Variants in SRFBP1 observed in about 807,000 individuals in gnomAD.
The protein encoded by SRFBP1 is serum response factor binding protein 1, also known as serum response factor-binding protein 1.
Under a neutral mutation model 45.5 loss-of-function variants are expected in SRFBP1, and 47 were observed. That is an observed-to-expected ratio of 1.03 (90% CI 0.82 to 1.32). The LOEUF is 1.32. Among genes scored for constraint, SRFBP1 ranks in the 40% most tolerant of loss-of-function variants. SRFBP1 has a pLI of 0.00. For missense variants in SRFBP1, 621 were observed against 484.6 expected, an observed-to-expected ratio of 1.28 and a Z score of -2.64; for synonymous variants, 203 against 166.3, an observed-to-expected ratio of 1.22 and a Z score of -1.70.
intron 3 of SRFBP1, among the ~76,000 whole-genome samples, chr5:121,984,701 G>C (rs1336708972): frequency 6.6e-6 from 1 of 151,552 alleles, no homozygotes; most frequent in Non-Finnish European, 1.5e-5. Flanking sequence ...CATATAAATG[G>C]CATGAATGAA....
At chr5:122,019,053 G>A (rs767470516) in intron 4 of SRFBP1, among the ~76,000 whole-genome samples, 1 of 152,054 alleles carries the variant, frequency 6.6e-6, no homozygotes, top group Non-Finnish European at 1.5e-5. Flanking sequence ...GATAATTTTA[G>A]TTGTTCAAAG....
intron 1 of SRFBP1, among the ~76,000 whole-genome samples, chr5:121,972,439 A>G (rs1752219643): frequency 2.0e-5 from 3 of 151,870 alleles, no homozygotes; most frequent in Non-Finnish European, 2.9e-5. Flanking sequence ...AGTGAACTGA[A>G]CAGAAAAATA....
Position 121,974,227 on chromosome 5 carries a change from T to G in SRFBP1, c.68T>G (p.Ile23Ser). 6.2e-7 allele frequency: 1 copy of G among 1,611,574 alleles called. No individual in the cohort carries two copies. The highest frequency in any genetic ancestry group is 8.5e-7 in the Non-Finnish European group (1 of 1,178,210). ...AAGATGAGAAAAGAAGTGAAGAGAATTCGAGTTTTAGTTATCCGAAAACTT... is the reference window on the plus strand; with the variant it reads ...AAGATGAGAAAAGAAGTGAAGAGAAGTCGAGTTTTAGTTATCCGAAAACTT... ...VVKMRKEVKR[I>S]RVLVIRKLVR... The change falls in exon 2 of 8, where the codon ATT becomes AGT. Residue 23 changes from isoleucine to serine, a missense_variant. Ile to Ser is a moderately radical substitution (Grantham distance 142). Coordinates refer to ENST00000339397, the MANE Select transcript of SRFBP1 (RefSeq NM_152546.3).
chr5:122,030,728 G>A (rs1173946646), downstream of SRFBP1, among the ~76,000 whole-genome samples: 1 of 151,958 alleles, frequency 6.6e-6, no homozygotes, highest in Non-Finnish European at 1.5e-5. Context: ...TCTGAAGTCT[G>A]GGCTTCCTCA....
At chr5:122,047,434 G>A (rs1753883910) in intron 2 of SRFBP1, among the ~76,000 whole-genome samples, 5 of 152,184 alleles carry the variant, frequency 3.3e-5, no homozygotes, top group Admixed American at 2.6e-4. Flanking sequence ...GTACCATGCT[G>A]TTTTGGTTGC....
rs1580508586 is a variant in SRFBP1 at position 121,987,393 on chromosome 5, G to A, written c.199-7206G>A. 1.3e-5 allele frequency among the ~76,000 whole-genome samples: 2 copies of A among 152,238 alleles called. 1 individual carries two copies. Among genetic ancestry groups the A allele is most frequent in the East Asian group, 3.9e-4 (2 of 5,174 alleles). On this transcript the variant is annotated intron_variant, in intron 3 of 7. Transcript: ENST00000339397. ...TGGAAAAAAAATCTATTGGCAATAT[G>A]ATGATAGAGTATAACTTTATTGAAG...
intron 4 of SRFBP1, among the ~76,000 whole-genome samples, chr5:121,999,368 A>G (rs1256385021): frequency 2.6e-5 from 4 of 151,962 alleles, no homozygotes; most frequent in Admixed American, 2.6e-4. Flanking sequence ...ATGTTGTACT[A>G]TTTGTTATAG....
chr5:122,055,375 C>T (rs144769189), intron 2 of SRFBP1, among the ~76,000 whole-genome samples: 76 of 152,290 alleles, frequency 5.0e-4, no homozygotes, highest in African/African-American at 1.6e-3. Flanking sequence ...GAGAGAAACA[C>T]ATTCAAACCA....
intron 4 of SRFBP1, among the ~76,000 whole-genome samples, chr5:122,004,016 C>A (rs1752931786): frequency 6.6e-6 from 1 of 152,094 alleles, no homozygotes; most frequent in Admixed American, 6.5e-5. Flanking sequence ...CTCACTGCCA[C>A]CTCTACCTCC....
At chr5:122,001,193 A>T (rs1752858818) in intron 4 of SRFBP1, among the ~76,000 whole-genome samples, 1 of 151,828 alleles carries the variant, frequency 6.6e-6, no homozygotes, top group Non-Finnish European at 1.5e-5. Context: ...TATGATAATT[A>T]TATAAAAGTT....
At chr5:122,005,048 C>G (rs1752948404) in intron 4 of SRFBP1, among the ~76,000 whole-genome samples, 1 of 152,000 alleles carries the variant, frequency 6.6e-6, no homozygotes, top group Non-Finnish European at 1.5e-5. Flanking sequence ...ATGTGTTAGG[C>G]CTAATTTTGT....
At chr5:122,019,753 T>C (rs1389750363) in intron 5 of SRFBP1, among the ~76,000 whole-genome samples, 1 of 151,860 alleles carries the variant, frequency 6.6e-6, no homozygotes, top group African/African-American at 2.4e-5. Context: ...AAGCACAGTT[T>C]ATAATAATGC....
chr5:122,046,006 CTTA>C (rs1389318416), intron 2 of SRFBP1, among the ~76,000 whole-genome samples: 1 of 151,862 alleles, frequency 6.6e-6, no homozygotes, highest in Non-Finnish European at 1.5e-5. Flanking sequence ...ATAGATGGCT[CTTA>C]TTATTTAAAA....
At chr5:122,030,737 CA>C (rs1454423268), downstream of SRFBP1, among the ~76,000 whole-genome samples, 1 of 152,014 alleles carries the variant, frequency 6.6e-6, no homozygotes, top group Non-Finnish European at 1.5e-5. Context: ...TGGGCTTCCT[CA>C]GGGAATTTCT....
intron 4 of SRFBP1, among the ~76,000 whole-genome samples, chr5:121,998,193 C>G (rs1232805632): frequency 6.6e-6 from 1 of 151,802 alleles, no homozygotes; most frequent in African/African-American, 2.4e-5. Context: ...ATAAATCATG[C>G]TGCTATAAAG....
chr5:121,989,146 C>A (rs1752575503), intron 3 of SRFBP1, among the ~76,000 whole-genome samples: 1 of 152,070 alleles, frequency 6.6e-6, no homozygotes, highest in Non-Finnish European at 1.5e-5. Flanking sequence ...TCACTGCAAC[C>A]TCCACCTCCC....
At chr5:122,009,395 TATG>T (rs1294711650) in intron 4 of SRFBP1, among the ~76,000 whole-genome samples, 1 of 152,186 alleles carries the variant, frequency 6.6e-6, no homozygotes, top group Non-Finnish European at 1.5e-5. Context: ...TCTCTTCCAT[TATG>T]ATAATATTTT....
At chr5:121,974,518 T>A (rs1406026347) in intron 2 of SRFBP1, among the ~76,000 whole-genome samples, 3 of 151,886 alleles carry the variant, frequency 2.0e-5, no homozygotes, top group Admixed American at 6.6e-5. Flanking sequence ...TTGCTGCTTT[T>A]GCAAAACTCT....
intron 2 of SRFBP1, chr5:122,074,248 T>A (rs1754549352): frequency 1.1e-5 from 14 of 1,232,092 alleles, no homozygotes; most frequent in Non-Finnish European, 1.6e-5. Flanking sequence ...ACTTCCCCCA[T>A]GGCTTCACAA....
Sources: allele counts gnomAD v4.1 joint callset (sites outside exome capture counted in the v4.1 genomes callset), GRCh38; gene constraint gnomAD v4.1.1; transcripts MANE v1.5; gene names NCBI Gene and HGNC (gene_info 2026-07-23, HGNC 2026-07-21).